TMEM117: variants seen among roughly 807,000 people sequenced by gnomAD.
The protein encoded by TMEM117 is transmembrane protein 117.
Under a neutral mutation model 52.4 loss-of-function variants are expected in TMEM117, and 27 were observed. The observed-to-expected ratio is 0.51, with a 90% CI of 0.38 to 0.71. The LOEUF is 0.71. TMEM117 is among the 30% of genes least tolerant of loss of function. The pLI, the probability that TMEM117 is intolerant of heterozygous loss-of-function variation, is 0.00. For missense variants in TMEM117, 556 were observed against 630.5 expected (o/e 0.88, Z 1.26); for synonymous variants, 215 against 206.3 (o/e 1.04, Z -0.36).
rs191817891 is a variant in TMEM117, at chr12:44,373,973, G to T, written c.769-2622G>T. Among the ~76,000 whole-genome samples the T allele has an allele frequency of 2.3e-4, 35 of 151,514 alleles. 1 individual carries two copies. Among genetic ancestry groups the T allele is most frequent in the Admixed American group, 2.3e-3 (35 of 15,210 alleles). On this transcript the variant is annotated intron_variant, in intron 6 of 7. Coordinates refer to ENST00000266534, the MANE Select transcript of TMEM117 (RefSeq NM_032256.3). ...ATTTTTGTATTTTTGGTAGAGATGG[G>T]GTTTCACCATGTTAGCCAGGCTGGT...
At chr12:44,000,178 G>A (rs1358113818) in intron 3 of TMEM117, among the ~76,000 whole-genome samples, 1 of 152,166 alleles carries the variant, frequency 6.6e-6, no homozygotes, top group East Asian at 1.9e-4. Flanking sequence ...TAAACTCTGG[G>A]GCAATGTACC....
At chr12:44,139,333 G>A (rs1948538242) in intron 3 of TMEM117, among the ~76,000 whole-genome samples, 2 of 152,030 alleles carry the variant, frequency 1.3e-5, no homozygotes, top group Non-Finnish European at 2.9e-5. Flanking sequence ...CTTACTGTAA[G>A]ACCAATTCAC....
At chr12:44,160,165 T>C (rs1948879688) in intron 4 of TMEM117, among the ~76,000 whole-genome samples, 1 of 146,382 alleles carries the variant, frequency 6.8e-6, no homozygotes, top group East Asian at 2.0e-4. Context: ...GAAAGGCTCA[T>C]GTATTTGTAA....
chr12:44,014,637 A>G (rs1258478364), intron 3 of TMEM117, among the ~76,000 whole-genome samples: 1 of 152,122 alleles, frequency 6.6e-6, no homozygotes, highest in Non-Finnish European at 1.5e-5. Context: ...ACCCAATTCC[A>G]CAGGTGGTGT....
intron 7 of TMEM117, among the ~76,000 whole-genome samples, chr12:44,385,423 A>G (rs1952075230): frequency 6.6e-6 from 1 of 152,180 alleles, no homozygotes; most frequent in African/African-American, 2.4e-5. Flanking sequence ...TTTGGGAGAA[A>G]GAAACCTTTG....
At chr12:44,018,101 A>G (rs1010645957) in intron 3 of TMEM117, among the ~76,000 whole-genome samples, 1 of 152,116 alleles carries the variant, frequency 6.6e-6, no homozygotes, top group Admixed American at 6.6e-5. Context: ...GGTTCATTTC[A>G]TGCTGTGTGT....
intron 4 of TMEM117, among the ~76,000 whole-genome samples, chr12:44,153,750 G>T (rs949860722): frequency 2.6e-5 from 4 of 151,988 alleles, no homozygotes; most frequent in African/African-American, 4.8e-5. Flanking sequence ...GAGCAGTAAA[G>T]TTTTTTATAT....
At chr12:44,172,992 C>T (rs190833174) in intron 4 of TMEM117, among the ~76,000 whole-genome samples, 111 of 152,152 alleles carry the variant, frequency 7.3e-4, no homozygotes, top group Middle Eastern at 6.8e-3. Context: ...CCAGAAGTGC[C>T]GGGATTACAG....
chr12:44,344,642 T>C (rs1043831467), intron 6 of TMEM117, among the ~76,000 whole-genome samples: 2 of 152,040 alleles, frequency 1.3e-5, no homozygotes, highest in Non-Finnish European at 2.9e-5. Context: ...TTGGGAATCT[T>C]GGTGGAGTCG....
intron 2 of TMEM117, among the ~76,000 whole-genome samples, chr12:43,876,868 C>G (rs534323182): frequency 5.9e-5 from 9 of 152,204 alleles, no homozygotes; most frequent in African/African-American, 2.2e-4. Context: ...TTGTCATATC[C>G]TTTCCCTCAA....
At chr12:44,162,784 C>T (rs1948915034) in intron 4 of TMEM117, among the ~76,000 whole-genome samples, 1 of 152,166 alleles carries the variant, frequency 6.6e-6, no homozygotes. Flanking sequence ...AGACTAATAA[C>T]ACATGTAGTT....
intron 4 of TMEM117, among the ~76,000 whole-genome samples, chr12:44,175,887 G>A (rs1949110228): frequency 6.6e-6 from 1 of 152,010 alleles, no homozygotes; most frequent in Non-Finnish European, 1.5e-5. Context: ...ATGAATGAAT[G>A]GTTTTTGTTG....
intron 2 of TMEM117, among the ~76,000 whole-genome samples, chr12:43,905,444 C>T (rs187875708): frequency 4.6e-5 from 7 of 152,226 alleles, no homozygotes; most frequent in Admixed American, 3.3e-4. Context: ...TGGCAGACAC[C>T]GTGGCTGAAG....
chr12:43,965,722 A>G (rs1283893995), intron 3 of TMEM117, among the ~76,000 whole-genome samples: 1 of 152,206 alleles, frequency 6.6e-6, no homozygotes, highest in African/African-American at 2.4e-5. Flanking sequence ...AGAGTAAGCA[A>G]TGAGCACTTC....
the TMEM117 span, chr12:43,799,433 C>A: frequency 6.2e-7 from 1 of 1,610,018 alleles, no homozygotes; most frequent in Admixed American, 1.7e-5. Flanking sequence ...TCTTCCTCAG[C>A]TGCAGTCAGT....
At chr12:44,066,772 T>C (rs975747281) in intron 3 of TMEM117, among the ~76,000 whole-genome samples, 1 of 152,202 alleles carries the variant, frequency 6.6e-6, no homozygotes, top group Non-Finnish European at 1.5e-5. Context: ...TGCTGACTGA[T>C]CATGAAGGTG....
chr12:43,809,473 G>A, the TMEM117 span, among the ~76,000 whole-genome samples: 1 of 152,144 alleles, frequency 6.6e-6, no homozygotes, highest in East Asian at 1.9e-4. Context: ...ATGACTTTAT[G>A]AAGCTCTAAC....
intron 2 of TMEM117, among the ~76,000 whole-genome samples, chr12:43,897,787 T>C (rs1281308765): frequency 6.6e-6 from 1 of 151,970 alleles, no homozygotes; most frequent in East Asian, 1.9e-4. Context: ...TTGTATTTTT[T>C]TTTTGCAGAG....
At chr12:44,254,282 T>G (rs926198157) in intron 5 of TMEM117, among the ~76,000 whole-genome samples, 4 of 151,992 alleles carry the variant, frequency 2.6e-5, no homozygotes, top group Admixed American at 1.3e-4. Context: ...TTTTAATTAG[T>G]ATGAAGAGGA....
Sources: allele counts gnomAD v4.1 joint callset (sites outside exome capture counted in the v4.1 genomes callset), GRCh38; gene constraint gnomAD v4.1.1; transcripts MANE v1.5; gene names NCBI Gene and HGNC (gene_info 2026-07-23, HGNC 2026-07-21).